FBN2: variants seen among roughly 807,000 people sequenced by gnomAD.
FBN2 encodes the protein fibrillin-2.
Under a neutral mutation model 355.6 loss-of-function variants are expected in FBN2, and 105 were observed. The observed-to-expected ratio is 0.30, with a 90% confidence interval of 0.25 to 0.35. FBN2 has a LOEUF of 0.35. Ranked by LOEUF, FBN2 falls within the 10% of genes least tolerant of loss-of-function variation. The probability of loss-of-function intolerance (pLI) is 1.00; values close to 1 mark genes in which losing one functional copy is unlikely to be tolerated. For missense variants in FBN2, 3,280 were observed against 3,758.7 expected (o/e 0.87, Z 3.33); for synonymous variants, 1,350 against 1,301.2 (o/e 1.04, Z -0.81).
chr5:128,506,357 G>A (rs1755960719), intron 5 of FBN2, among the ~76,000 whole-genome samples: 1 of 152,064 alleles, frequency 6.6e-6, no homozygotes, highest in African/African-American at 2.4e-5. Flanking sequence ...GCAATGTTTT[G>A]CAGTTTTCAG....
chr5:128,362,145 T>C (rs1208879738), intron 18 of FBN2, among the ~76,000 whole-genome samples: 1 of 152,218 alleles, frequency 6.6e-6, no homozygotes, highest in Non-Finnish European at 1.5e-5. Context: ...TTATGTTAGA[T>C]ATATTTTTAA....
At chr5:128,263,705 A>G (rs1219879920) in intron 62 of FBN2, 49 bp from the exon 63 acceptor site, 8 of 1,383,170 alleles carry the variant, frequency 5.8e-6, no homozygotes, top group South Asian at 3.7e-5. Flanking sequence ...AGGCAAGAGC[A>G]AAAACGTGAA....
Position 128,259,765 on chromosome 5 carries a change from G to A in FBN2, c.8429C>T (p.Ser2810Phe). The A allele has an allele frequency of 6.2e-7, 1 of 1,613,852 alleles. No homozygotes were observed. Among genetic ancestry groups the A allele is most frequent in the South Asian group, 1.1e-5 (1 of 91,060 alleles). Residue 2810 changes from serine to phenylalanine, a missense_variant, in exon 65 of 65, where the codon TCC (serine) becomes TTC (phenylalanine). Ser to Phe is a radical substitution (Grantham distance 155). Around this residue, in one of 6 missense-constraint regions of FBN2, gnomAD observed 311 missense variants for 319.1 expected, o/e 0.97. Transcript: ENST00000262464. Reference protein sequence around the residue: ...DSPVNMKFNLSHLGSKEHILE... With the variant: ...DSPVNMKFNLFHLGSKEHILE... ...GATGTGCTCCTTAGAGCCGAGGTGG[G>A]AGAGGTTGAACTTCATGTTGACGGG... is the stretch of plus-strand genomic sequence containing the variant.
intron 4 of FBN2, among the ~76,000 whole-genome samples, chr5:128,520,208 C>T (rs932042825): frequency 2.6e-5 from 4 of 152,120 alleles, no homozygotes; most frequent in Non-Finnish European, 1.5e-5. Context: ...AACCACTCCC[C>T]TCTCCCCACT....
chr5:128,291,710 TC>T, intron 48 of FBN2, 56 bp from the exon 49 acceptor site: 2 of 1,510,892 alleles, frequency 1.3e-6, no homozygotes, highest in Non-Finnish European at 1.8e-6. Flanking sequence ...TAAACAATTG[TC>T]CATACTATCA....
At chr5:128,342,036 CA>C (rs1394026457) in intron 25 of FBN2, among the ~76,000 whole-genome samples, 1 of 152,020 alleles carries the variant, frequency 6.6e-6, no homozygotes, top group Non-Finnish European at 1.5e-5. Flanking sequence ...AAGATCAAAA[CA>C]AAGACAAACT....
intron 40 of FBN2, 126 bp downstream of exon 40, chr5:128,309,857 A>C: frequency 9.1e-7 from 1 of 1,095,892 alleles, no homozygotes; most frequent in Non-Finnish European, 1.4e-6. Context: ...AGCTTGCAAG[A>C]CTCTGAAATA....
chr5:128,528,041 C>T lies in FBN2; in HGVS notation c.437-74G>A, dbSNP rs913759509. 6.4e-6 allele frequency: 6 copies of T among 939,210 alleles called. No individual in the cohort carries two copies. The Middle Eastern group carries it at 1.1e-3, about 166-fold the overall frequency. 58.2% of individuals were successfully genotyped at this position (939,210 alleles called of 1,614,324 possible). ...ATAGTATATGTGAGAGGTTATAAAA[C>T]TATAAACTCAATTATCCAATTCAAT... is the stretch of plus-strand genomic sequence containing the variant. On this transcript the variant is annotated intron_variant, in intron 3 of 64. Coordinates refer to ENST00000262464, the MANE Select transcript of FBN2 (RefSeq NM_001999.4).
intron 34 of FBN2, among the ~76,000 whole-genome samples, chr5:128,321,367 T>C (rs901628510): frequency 1.3e-5 from 2 of 152,138 alleles, no homozygotes; most frequent in African/African-American, 4.8e-5. Context: ...CATAGGTGTA[T>C]GTGTGCCATG....
chr5:128,536,949 G>C (rs1756863186), intron 1 of FBN2, among the ~76,000 whole-genome samples: 3 of 151,934 alleles, frequency 2.0e-5, no homozygotes, highest in Non-Finnish European at 1.5e-5. Context: ...CCCTGCACAC[G>C]TCCTCAAACA....
chr5:128,423,271 A>G (rs901815591), intron 7 of FBN2, among the ~76,000 whole-genome samples: 1 of 152,176 alleles, frequency 6.6e-6, no homozygotes, highest in South Asian at 2.1e-4. Flanking sequence ...CACTGCTAAT[A>G]AAGACATACC....
intron 48 of FBN2, among the ~76,000 whole-genome samples, chr5:128,293,042 G>A (rs1252295806): frequency 1.3e-5 from 2 of 152,162 alleles, no homozygotes; most frequent in Non-Finnish European, 2.9e-5. Flanking sequence ...CTAGCACCTA[G>A]AAAGGTGCCA....
intron 62 of FBN2, among the ~76,000 whole-genome samples, chr5:128,269,654 G>GT (rs1429303489): frequency 6.6e-6 from 1 of 151,998 alleles, no homozygotes; most frequent in Admixed American, 6.6e-5. Flanking sequence ...AATAAAATAC[G>GT]TAAGAATACA....
At chr5:128,427,280 G>A (rs1753507264) in intron 7 of FBN2, among the ~76,000 whole-genome samples, 1 of 152,134 alleles carries the variant, frequency 6.6e-6, no homozygotes, top group African/African-American at 2.4e-5. Context: ...AGAAGTAAAT[G>A]AGCAACTTAA....
In FBN2 at chr5:128,537,738, C is replaced by T. The variant is rs1010254582; in HGVS notation, c.-135G>A. On this transcript the variant is annotated 5_prime_UTR_variant, in exon 1 of 65. Coordinates refer to ENST00000262464, the MANE Select transcript of FBN2 (RefSeq NM_001999.4). ...CGGGGACTCCCTCGGGCTCGGGCTC[C>T]CTGCTCTAGCTGGAGACCTCGACAG... The T allele has an allele frequency of 3.5e-6, 3 of 865,380 alleles. No homozygotes were observed. Among genetic ancestry groups the T allele is most frequent in the East Asian group, 2.7e-5 (1 of 37,584 alleles). The allele number at this position is 865,380 out of a possible 1,614,324, so 53.6% of individuals were successfully genotyped here. A position where few individuals can be genotyped will look rare whatever the true frequency, so the allele number is the denominator to read the frequency against.
intron 8 of FBN2, among the ~76,000 whole-genome samples, chr5:128,404,907 C>T (rs1371587889): frequency 6.6e-6 from 1 of 152,192 alleles, no homozygotes; most frequent in Non-Finnish European, 1.5e-5. Flanking sequence ...GGTCATGGCT[C>T]ATGCCTTTAA....
chr5:128,392,389 T>C (rs1469071076), intron 10 of FBN2, among the ~76,000 whole-genome samples: 1 of 152,208 alleles, frequency 6.6e-6, no homozygotes, highest in Non-Finnish European at 1.5e-5. Flanking sequence ...ATCATGTCTT[T>C]TTAAAATTAC....
intron 7 of FBN2, among the ~76,000 whole-genome samples, chr5:128,420,778 C>T (rs528717305): frequency 3.3e-5 from 5 of 152,168 alleles, no homozygotes; most frequent in Admixed American, 2.0e-4. Flanking sequence ...TGGGCATATA[C>T]TATTCATTCA....
chr5:128,422,159 T>G (rs1328807887), intron 7 of FBN2, among the ~76,000 whole-genome samples: 1 of 152,196 alleles, frequency 6.6e-6, no homozygotes, highest in African/African-American at 2.4e-5. Flanking sequence ...TGGGCTTGGT[T>G]AGACCATTCT....
Sources: allele counts gnomAD v4.1 joint callset (sites outside exome capture counted in the v4.1 genomes callset), GRCh38; gene constraint gnomAD v4.1.1; regional missense constraint gnomAD v4.1.1; transcripts MANE v1.5; gene names NCBI Gene and HGNC (gene_info 2026-07-23, HGNC 2026-07-21).